The following PSD3 variants were observed in gnomAD, a reference collection of about 807,000 sequenced individuals.
The protein encoded by PSD3 is PH and SEC7 domain-containing protein 3.
Under a neutral mutation model 105.5 loss-of-function variants are expected in PSD3, and 49 were observed. The ratio of observed to expected loss-of-function variants is 0.46; its 90% CI spans 0.37 to 0.59. The LOEUF (loss-of-function observed/expected upper bound fraction) is 0.59. PSD3 is among the 20% of genes least tolerant of loss of function. The probability of loss-of-function intolerance (pLI) is 0.00; values close to 1 mark genes in which losing one functional copy is unlikely to be tolerated. For missense variants in PSD3, 1,561 were observed against 1,263.8 expected (o/e 1.24, Z -3.57); for synonymous variants, 557 against 457.8 (o/e 1.22, Z -2.77).
At chr8:19,037,352 G>C (rs1292000632) in intron 1 of PSD3, among the ~76,000 whole-genome samples, 1 of 152,232 alleles carries the variant, frequency 6.6e-6, no homozygotes. Flanking sequence ...TGGCCTTTCA[G>C]ACACCCTCCA....
At chr8:18,896,250 G>A (rs999168151) in intron 2 of PSD3, among the ~76,000 whole-genome samples, 1 of 152,144 alleles carries the variant, frequency 6.6e-6, no homozygotes, top group African/African-American at 2.4e-5. Context: ...CCCCTTCTTG[G>A]TTATTGTGAA....
At chr8:18,877,842 G>A (rs1369217024) in intron 2 of PSD3, among the ~76,000 whole-genome samples, 1 of 152,136 alleles carries the variant, frequency 6.6e-6, no homozygotes, top group East Asian at 1.9e-4. Flanking sequence ...CACCTGGCTA[G>A]ATGCCTATCT....
intron 11 of PSD3, among the ~76,000 whole-genome samples, chr8:18,616,924 T>C (rs1805736363): frequency 1.3e-5 from 2 of 152,096 alleles, no homozygotes; most frequent in Admixed American, 6.5e-5. Context: ...CGCCCGGCCA[T>C]CTTCCTCTCT....
At chr8:18,893,170 C>T (rs1818922458) in intron 2 of PSD3, among the ~76,000 whole-genome samples, 1 of 152,256 alleles carries the variant, frequency 6.6e-6, no homozygotes, top group African/African-American at 2.4e-5. Flanking sequence ...AGCTGAGAAA[C>T]TGCTTTCGCC....
At chr8:19,008,498 C>T (rs920203921) in intron 1 of PSD3, among the ~76,000 whole-genome samples, 4 of 152,186 alleles carry the variant, frequency 2.6e-5, no homozygotes, top group Non-Finnish European at 5.9e-5. Flanking sequence ...TAAATTTCCA[C>T]TCTCCTAGTG....
In PSD3 at chr8:18,635,215, C is replaced by G. The variant is rs575485301; in HGVS notation, c.2217-2409G>C. Among the ~76,000 whole-genome samples the G allele has an allele frequency of 3.9e-5, 6 of 152,210 alleles. No individual in the cohort carries two copies. The South Asian group carries it at 1.2e-3, about 32-fold the overall frequency. ...TTTACTTTCAGGTACCACAGAACGC[C>G]AAGCTCATCTTAAATTTTCCTTGTC... is the stretch of plus-strand genomic sequence containing the variant. On this transcript the variant is annotated intron_variant, in intron 10 of 15. Transcript: ENST00000327040.
chr8:18,677,822 A>G (rs956740495), intron 9 of PSD3, among the ~76,000 whole-genome samples: 7 of 152,094 alleles, frequency 4.6e-5, no homozygotes, highest in Non-Finnish European at 8.8e-5. Context: ...CATCCTGGCT[A>G]ACACGGTGAA....
At chr8:18,847,742 C>G (rs1042403438) in intron 4 of PSD3, among the ~76,000 whole-genome samples, 1 of 152,220 alleles carries the variant, frequency 6.6e-6, no homozygotes, top group Non-Finnish European at 1.5e-5. Context: ...AGTCTCCTGA[C>G]TCCCAGCACA....
At chr8:18,990,202 A>AT (rs895056088) in intron 1 of PSD3, among the ~76,000 whole-genome samples, 3 of 152,140 alleles carry the variant, frequency 2.0e-5, no homozygotes, top group African/African-American at 4.8e-5. Flanking sequence ...ATCCAGAGTG[A>AT]TTTTTTTAAA....
At chr8:18,958,435 A>T (rs917567431) in intron 1 of PSD3, among the ~76,000 whole-genome samples, 2 of 152,010 alleles carry the variant, frequency 1.3e-5, no homozygotes, top group Admixed American at 1.3e-4. Flanking sequence ...CTTTTGGGGG[A>T]ATATCTATTT....
At chr8:18,814,767 A>T (rs1189044774) in intron 4 of PSD3, among the ~76,000 whole-genome samples, 1 of 152,100 alleles carries the variant, frequency 6.6e-6, no homozygotes, top group African/African-American at 2.4e-5. Flanking sequence ...AGGAAGAGTG[A>T]CTCACTTACA....
At chr8:18,540,649 T>C (rs1800103639) in intron 15 of PSD3, among the ~76,000 whole-genome samples, 1 of 152,200 alleles carries the variant, frequency 6.6e-6, no homozygotes, top group African/African-American at 2.4e-5. Context: ...ACCTTGCGCC[T>C]GGGTTCCTCC....
At chr8:18,787,344 T>G (rs1280220048) in intron 8 of PSD3, among the ~76,000 whole-genome samples, 1 of 152,208 alleles carries the variant, frequency 6.6e-6, no homozygotes, top group Non-Finnish European at 1.5e-5. Context: ...CCTGATGCAT[T>G]GAGAGGTACA....
chr8:18,877,644 C>T (rs918250651), intron 2 of PSD3, among the ~76,000 whole-genome samples: 7 of 151,332 alleles, frequency 4.6e-5, no homozygotes, highest in Non-Finnish European at 8.8e-5. Flanking sequence ...TGGACTCAAG[C>T]GATCCTCCCA....
intron 4 of PSD3, among the ~76,000 whole-genome samples, chr8:18,810,153 C>A (rs1811573831): frequency 6.6e-6 from 1 of 152,184 alleles, no homozygotes; most frequent in African/African-American, 2.4e-5. Flanking sequence ...CCTACCATGC[C>A]AAATTCTGTG....
chr8:18,589,214 C>A (rs2717732), intron 12 of PSD3, among the ~76,000 whole-genome samples: 1 of 151,804 alleles, frequency 6.6e-6, no homozygotes, highest in Non-Finnish European at 1.5e-5. Flanking sequence ...CACAGGAAAA[C>A]AAGCTTATAG....
At chr8:18,657,717 G>T (rs1563149407) in intron 9 of PSD3, among the ~76,000 whole-genome samples, 1 of 152,168 alleles carries the variant, frequency 6.6e-6, no homozygotes, top group Non-Finnish European at 1.5e-5. Flanking sequence ...CCTTTTAAAT[G>T]AATTATATTA....
At chr8:18,847,900 G>C (rs1815230611) in intron 4 of PSD3, among the ~76,000 whole-genome samples, 2 of 152,186 alleles carry the variant, frequency 1.3e-5, no homozygotes, top group African/African-American at 4.8e-5. Context: ...CAGCAAGATA[G>C]GATGTGGGCT....
chr8:18,970,555 C>A (rs1563474989), intron 1 of PSD3, among the ~76,000 whole-genome samples: 1 of 152,184 alleles, frequency 6.6e-6, no homozygotes, highest in East Asian at 1.9e-4. Flanking sequence ...TAAATGCCAA[C>A]ATCCTGGCAT....
Sources: gnomAD v4.1 joint callset for allele counts (sites outside exome capture counted in the v4.1 genomes callset) on GRCh38, gnomAD v4.1.1 for gene constraint, MANE v1.5 for transcripts, NCBI Gene and HGNC (gene_info 2026-07-23, HGNC 2026-07-21) for gene names.